The following GPRC5B variants were observed in gnomAD, a reference collection of about 807,000 sequenced individuals.
The protein encoded by GPRC5B is G protein-coupled receptor family C group 5 member B.
A neutral mutation model predicts 30.1 loss-of-function variants in GPRC5B; 16 were observed. The observed-to-expected ratio is 0.53, with a 90% confidence interval of 0.36 to 0.81. The LOEUF (loss-of-function observed/expected upper bound fraction) is 0.81, where lower values mean the gene tolerates loss of function less well. Ranked by LOEUF, GPRC5B falls within the 30% of genes least tolerant of loss-of-function variation. The pLI is 0.01. For missense variants in GPRC5B, 428 were observed against 544.7 expected (o/e 0.79, Z 2.13); for synonymous variants, 241 against 239.5 (o/e 1.01, Z -0.06).
Position 19,856,776 on chromosome 16 carries a change from TTCA to T in GPRC5B, c.*3721_*3723del. The T allele has an allele frequency of 1.9e-6, 1 of 521,636 alleles. No homozygotes were observed. The highest frequency in any genetic ancestry group is 2.5e-5 in the South Asian group (1 of 39,242). The allele number at this position is 521,636 out of a possible 1,614,324, so 32.3% of individuals were successfully genotyped here. A position where few individuals can be genotyped will look rare whatever the true frequency, so the allele number is the denominator to read the frequency against. On this transcript the variant is annotated 3_prime_UTR_variant, in exon 4 of 4. Coordinates refer to ENST00000300571, the MANE Select transcript of GPRC5B (RefSeq NM_016235.3). ...CTGCATTATCCCCACATTTTATTCA[TTCA>T]TCCAGATTACTTCTTCAGTGCCTCA...
rs941359165 is a variant in GPRC5B, at chr16:19,859,190, C to T, written c.*1310G>A. 6.6e-6 allele frequency: 1 copy of T among 152,620 alleles called. No homozygotes were observed. Among genetic ancestry groups the T allele is most frequent in the Non-Finnish European group, 1.5e-5 (1 of 68,050 alleles). The allele number at this position is 152,620 out of a possible 1,614,324, so 9.5% of individuals were successfully genotyped here. On this transcript the variant is annotated 3_prime_UTR_variant, in exon 4 of 4. Transcript: ENST00000300571. ...CATTCCATGCCGTCAGGTTAAAACT[C>T]TGCTTTGAATCGATGCTAGAGGTTA... is the stretch of plus-strand genomic sequence containing the variant.
In GPRC5B at chr16:19,884,794, C is replaced by T; in HGVS notation, c.-69G>A. The T allele has an allele frequency of 1.2e-5, 12 of 984,288 alleles. No homozygotes were observed. Among genetic ancestry groups the T allele is most frequent in the Non-Finnish European group, 1.4e-5 (12 of 829,338 alleles). The allele number at this position is 984,288 out of a possible 1,614,324, so 61.0% of individuals were successfully genotyped here. A position where few individuals can be genotyped will look rare whatever the true frequency, so the allele number is the denominator to read the frequency against. On this transcript the variant is annotated 5_prime_UTR_variant, in exon 1 of 4. Transcript: ENST00000300571. Reference sequence around the variant, plus strand: ...CGGCCCGAGTCACATCTCTGCGGCGCGGCCGCGGCCCCCGCTCCACGCACG... The same window carrying T: ...CGGCCCGAGTCACATCTCTGCGGCGTGGCCGCGGCCCCCGCTCCACGCACG...
At chr16:19,879,829 G>T (rs1242535499) in intron 1 of GPRC5B, among the ~76,000 whole-genome samples, 1 of 152,096 alleles carries the variant, frequency 6.6e-6, no homozygotes, top group South Asian at 2.1e-4. Context: ...TTTATATAAG[G>T]TGTCTATTAA....
intron 1 of GPRC5B, among the ~76,000 whole-genome samples, chr16:19,881,386 G>T (rs58438830): frequency 1.2e-3 from 190 of 152,206 alleles, no homozygotes; most frequent in African/African-American, 4.5e-3. Context: ...GGGCAACGTA[G>T]CAAGACTGTC....
chr16:19,863,889 C>CA (rs2056646773), intron 2 of GPRC5B, among the ~76,000 whole-genome samples: 1 of 152,096 alleles, frequency 6.6e-6, no homozygotes, highest in African/African-American at 2.4e-5. Flanking sequence ...GAATCTAATG[C>CA]TTGACAATCT....
chr16:19,869,636 A>T (rs1194016241), intron 2 of GPRC5B, among the ~76,000 whole-genome samples: 1 of 152,100 alleles, frequency 6.6e-6, no homozygotes, highest in Non-Finnish European at 1.5e-5. Context: ...ATAGGACCTC[A>T]CTTCTGAAGC....
chr16:19,873,931 C>T (rs1044630660), intron 1 of GPRC5B, among the ~76,000 whole-genome samples: 2 of 152,134 alleles, frequency 1.3e-5, no homozygotes, highest in Non-Finnish European at 2.9e-5. Flanking sequence ...AGGCGTGCGC[C>T]ACCACGCCTG....
Position 19,872,375 on chromosome 16 carries a change from G to C in GPRC5B, c.471C>G (p.Pro157=). The change falls in exon 2 of 4, where the codon CCC becomes CCG. Residue 157 remains proline (P), a synonymous_variant. Coordinates refer to ENST00000300571, the MANE Select transcript of GPRC5B (RefSeq NM_016235.3). The surrounding 1 kb of genome is among the most constrained non-coding windows in gnomAD (Gnocchi z 5.0). Reference sequence around the variant, plus strand: ...CCAGGCCCACCAGCTGCCAGCCCGCGGGGCCCGTGCCATGCCGCACCAGCC... The same window carrying C: ...CCAGGCCCACCAGCTGCCAGCCCGCCGGGCCCGTGCCATGCCGCACCAGCC... The part of the protein sequence containing the change: ...VRRLVRHGTG[P]AGWQLVGLAL... 6.2e-7 allele frequency: 1 copy of C among 1,613,412 alleles called. No individual in the cohort carries two copies. The highest frequency in any genetic ancestry group is 1.3e-5 in the African/African-American group (1 of 75,052).
At chr16:19,879,468 C>T (rs1005266025) in intron 1 of GPRC5B, among the ~76,000 whole-genome samples, 1 of 152,088 alleles carries the variant, frequency 6.6e-6, no homozygotes, top group Admixed American at 6.6e-5. Context: ...CATGCACGCA[C>T]TCTGCAGAGG....
At position 19,879,647 on chromosome 16, in the gene GPRC5B, C is replaced by A. The variant is rs77083107; in HGVS notation, c.-2+5080G>T. The stretch of plus-strand genomic sequence containing the variant: ...CTTGGTGTGAACTTAGGAATCAGAT[C>A]TCCCAGTTTCCGATAATGTCCCCAC... On this transcript the variant is annotated intron_variant, in intron 1 of 3. Transcript: ENST00000300571. Among the ~76,000 whole-genome samples the A allele has an allele frequency of 4.5e-4, 69 of 152,252 alleles. 1 individual carries two copies. In the East Asian group the frequency reaches 0.01, roughly 23 times the overall value.
Position 19,866,023 on chromosome 16 carries a change from G to A in GPRC5B, c.1031-4050C>T, listed in dbSNP as rs150746582. Among the ~76,000 whole-genome samples the A allele has an allele frequency of 7.8e-4, 119 of 151,906 alleles. 1 individual carries two copies. The East Asian group carries it at 0.013, about 17-fold the overall frequency. On this transcript the variant is annotated intron_variant, in intron 2 of 3. Transcript: ENST00000300571. ...CAGCTCACTGCAACCTCCGCTTCCCGGGTTCAGGCAATTCTGCCTCAGCCT... is the reference window on the plus strand; with the variant it reads ...CAGCTCACTGCAACCTCCGCTTCCCAGGTTCAGGCAATTCTGCCTCAGCCT...
intron 2 of GPRC5B, among the ~76,000 whole-genome samples, chr16:19,866,358 T>G (rs1317384282): frequency 1.3e-5 from 2 of 151,966 alleles, no homozygotes; most frequent in Non-Finnish European, 2.9e-5. Context: ...ATTATTGTTT[T>G]ATTTTATTTT....
In GPRC5B at chr16:19,858,426, C is replaced by A; in HGVS notation, c.*2074G>T. On this transcript the variant is annotated 3_prime_UTR_variant, in exon 4 of 4. Coordinates refer to ENST00000300571, the MANE Select transcript of GPRC5B (RefSeq NM_016235.3). Reference sequence around the variant, plus strand: ...TTCCATGGCAGCCATTTGTGCTGTGCTCACCTTATATGCTTGGACAATAAA... The same window carrying A: ...TTCCATGGCAGCCATTTGTGCTGTGATCACCTTATATGCTTGGACAATAAA... 1 of 605,602 alleles carries A rather than the reference C, an allele frequency of 1.7e-6. No individual in the cohort carries two copies. Among genetic ancestry groups the A allele is most frequent in the Non-Finnish European group, 3.0e-6 (1 of 332,960 alleles). 37.5% of individuals were successfully genotyped at this position (605,602 alleles called of 1,614,324 possible).
At chr16:19,861,708 G>T in intron 3 of GPRC5B, 129 bp downstream of exon 3, 2 of 706,022 alleles carry the variant, frequency 2.8e-6, no homozygotes, top group East Asian at 2.6e-5. Context: ...CATTGCATGC[G>T]TTTGAGCTGT....
At chr16:19,882,988 A>G (rs529318596) in intron 1 of GPRC5B, among the ~76,000 whole-genome samples, 36 of 152,180 alleles carry the variant, frequency 2.4e-4, no homozygotes, top group African/African-American at 8.4e-4. Flanking sequence ...TCACTCCCGG[A>G]ACAGTCATCT....
upstream of GPRC5B, chr16:19,885,591 A>G: frequency 3.8e-6 from 4 of 1,045,990 alleles, no homozygotes; most frequent in Non-Finnish European, 4.6e-6. This position sits in a 1 kb window ranked among gnomAD's most constrained non-coding sequence, Gnocchi z 5.3. Context: ...CCTACCGCAC[A>G]CATCACCCAC....
chr16:19,862,853 G>C (rs529557995), intron 2 of GPRC5B, among the ~76,000 whole-genome samples: 1 of 152,198 alleles, frequency 6.6e-6, no homozygotes, highest in Admixed American at 6.5e-5. Context: ...GGAGGTTAAG[G>C]TTGCAGTGAG....
chr16:19,873,768 C>T (rs1163925653), intron 1 of GPRC5B, among the ~76,000 whole-genome samples: 1 of 152,068 alleles, frequency 6.6e-6, no homozygotes, highest in Non-Finnish European at 1.5e-5. Context: ...CGCGGGCTCC[C>T]AGCATTTCTT....
chr16:19,882,429 C>G (rs1027607948), intron 1 of GPRC5B: 1 of 152,158 alleles, frequency 6.6e-6, no homozygotes, highest in African/African-American at 2.4e-5. Context: ...GGAAGCTCTG[C>G]GAGAAAGTGC....
Sources: gnomAD v4.1 joint callset for allele counts (sites outside exome capture counted in the v4.1 genomes callset) on GRCh38, gnomAD v4.1.1 for gene constraint, Gnocchi (gnomAD v3.1) non-coding constraint, MANE v1.5 for transcripts, NCBI Gene and HGNC (gene_info 2026-07-23, HGNC 2026-07-21) for gene names.